KSR1: variants seen among roughly 807,000 people sequenced by gnomAD.
KSR1 encodes kinase suppressor of ras 1.
In KSR1, 35 loss-of-function variants were observed where a neutral mutation model predicts 92.9. The ratio of observed to expected loss-of-function variants is 0.38; its 90% CI spans 0.29 to 0.50. The LOEUF (loss-of-function observed/expected upper bound fraction) is 0.50. Ranked by LOEUF, KSR1 falls within the 20% of genes least tolerant of loss-of-function variation. The pLI, the probability that KSR1 is intolerant of heterozygous loss-of-function variation, is 0.94. For missense variants in KSR1, 972 were observed against 1,158.5 expected (o/e 0.84, Z 2.34); for synonymous variants, 467 against 472.6 (o/e 0.99, Z 0.15).
chr17:27,594,987 G>T (rs563312876), intron 9 of KSR1, among the ~76,000 whole-genome samples: 1 of 152,314 alleles, frequency 6.6e-6, no homozygotes, highest in South Asian at 2.1e-4. Context: ...GAGCCTTGGA[G>T]CATGAGTGAG....
At chr17:27,539,727 C>A (rs1161143078) in intron 1 of KSR1, among the ~76,000 whole-genome samples, 2 of 152,156 alleles carry the variant, frequency 1.3e-5, no homozygotes, top group Non-Finnish European at 2.9e-5. Context: ...TCCCCACAGC[C>A]CCTAAGGACT....
chr17:27,604,760 C>T (rs772711422), intron 13 of KSR1, 32 bp downstream of exon 13: 3 of 1,607,798 alleles, frequency 1.9e-6, no homozygotes, highest in East Asian at 2.2e-5. Flanking sequence ...CCACAGATGG[C>T]CCCCCCTCTT....
rs991665246 is a variant in KSR1, at chr17:27,468,681, G to A, written c.231+11807G>A. On this transcript the variant is annotated intron_variant, in intron 1 of 20. Transcript: ENST00000644974. Reference sequence around the variant, plus strand: ...CTGTACCTATCTCAGCAGGCTGGGAGGAATCTCTGTGTTTTCCTATGAAAA... The same window carrying A: ...CTGTACCTATCTCAGCAGGCTGGGAAGAATCTCTGTGTTTTCCTATGAAAA... 2.6e-5 allele frequency among the ~76,000 whole-genome samples: 4 copies of A among 152,224 alleles called. 1 individual carries two copies. Among genetic ancestry groups the A allele is most frequent in the Non-Finnish European group, 5.9e-5 (4 of 68,040 alleles).
At chr17:27,619,820 C>T (rs1019054500) in intron 19 of KSR1, among the ~76,000 whole-genome samples, 1 of 152,192 alleles carries the variant, frequency 6.6e-6, no homozygotes, top group South Asian at 2.1e-4. Flanking sequence ...TCAAGCGATT[C>T]TCATGCCTCA....
At chr17:27,537,445 A>G (rs2070789655) in intron 1 of KSR1, among the ~76,000 whole-genome samples, 1 of 152,212 alleles carries the variant, frequency 6.6e-6, no homozygotes, top group Non-Finnish European at 1.5e-5. Flanking sequence ...TAATCCCAGC[A>G]CTTTGGGAGG....
At position 27,624,293 on chromosome 17, in the gene KSR1, G is replaced by A. The variant is rs541857507; in HGVS notation, c.*901G>A. 6.6e-6 allele frequency: 1 copy of A among 152,394 alleles called. No individual in the cohort carries two copies. Among genetic ancestry groups the A allele is most frequent in the South Asian group, 2.1e-4 (1 of 4,828 alleles). The allele number at this position is 152,394 out of a possible 1,614,324, so 9.4% of individuals were successfully genotyped here. On this transcript the variant is annotated 3_prime_UTR_variant, in exon 21 of 21. Transcript: ENST00000644974. ...AGGAGTAGATGGCAAAAGTACCTGA[G>A]CCCACTTCCCAGCCACAGGGTGACC...
chr17:27,465,836 A>G (rs1284897854), intron 1 of KSR1, among the ~76,000 whole-genome samples: 1 of 151,972 alleles, frequency 6.6e-6, no homozygotes, highest in African/African-American at 2.4e-5. Context: ...AGCTTCATTC[A>G]TGGTGCACAC....
chr17:27,621,912 T>C (rs775904338), intron 20 of KSR1: 2 of 1,613,504 alleles, frequency 1.2e-6, no homozygotes, highest in South Asian at 2.2e-5. Flanking sequence ...TTTGCTTTCT[T>C]CTCTTTCCCT....
At chr17:27,587,048 T>G (rs2072995494) in intron 5 of KSR1, 1 of 152,168 alleles carries the variant, frequency 6.6e-6, no homozygotes, top group Non-Finnish European at 1.5e-5. Context: ...AATTTTTGTA[T>G]TTTTAATAGA....
intron 1 of KSR1, among the ~76,000 whole-genome samples, chr17:27,533,388 C>CT (rs61407882): frequency 0.31 from 44,597 of 144,790 alleles, 6,757 homozygotes; most frequent in Non-Finnish European, 0.33. Flanking sequence ...TGCAACCATT[C>CT]TTTTTTTTTT....
At chr17:27,575,707 G>T (rs1394674522) in intron 2 of KSR1, among the ~76,000 whole-genome samples, 1 of 152,212 alleles carries the variant, frequency 6.6e-6, no homozygotes, top group Non-Finnish European at 1.5e-5. Flanking sequence ...AGTAGTCAGA[G>T]CTGGAGAGGT....
At position 27,456,672 on chromosome 17, in the gene KSR1, C is replaced by T; in HGVS notation, c.29C>T (p.Ala10Val). 1 of 669,842 alleles carries T rather than the reference C, an allele frequency of 1.5e-6. No homozygotes were observed. The highest frequency in any genetic ancestry group is 1.7e-5 in the South Asian group (1 of 58,610). 41.5% of individuals were successfully genotyped at this position (669,842 alleles called of 1,614,324 possible). A position where few individuals can be genotyped will look rare whatever the true frequency, so the allele number is the denominator to read the frequency against. Residue 10 changes from alanine to valine, a missense_variant, in exon 1 of 21, where the codon GCG becomes GTG. Coordinates refer to ENST00000644974, the MANE Select transcript of KSR1 (RefSeq NM_001394583.1). MDRAALRAAAMGEKKEGGGG... is the reference protein window; with the variant it reads MDRAALRAAVMGEKKEGGGG... ...GATAGAGCAGCGCTGCGCGCGGCGG[C>T]GATGGGAGAGAAGAAGGAGGGCGGT...
At position 27,607,987 on chromosome 17, in the gene KSR1, C is replaced by T. The variant is rs774669318; in HGVS notation, c.2068C>T (p.Gln690Ter). The T allele has an allele frequency of 6.2e-7, 1 of 1,609,190 alleles. No homozygotes were observed. Among genetic ancestry groups the T allele is most frequent in the South Asian group, 1.1e-5 (1 of 89,950 alleles). The change falls in exon 15 of 21, where the codon CAA becomes TAA. Residue 690 changes from glutamine (Q) to a stop codon, truncating the protein, a stop_gained. Coordinates refer to ENST00000644974, the MANE Select transcript of KSR1 (RefSeq NM_001394583.1). LOFTEE classifies it high-confidence loss of function. ...GTCTCTGGACATCAACAAGACGAGG[C>T]AAATCGCTCAGGAGATCATCAAGGT... ...KTSLDINKTR[Q>*]IAQEIIKGMG...
chr17:27,549,099 G>A (rs1469031077), intron 1 of KSR1, among the ~76,000 whole-genome samples: 1 of 152,194 alleles, frequency 6.6e-6, no homozygotes, highest in South Asian at 2.1e-4. Flanking sequence ...TGGGTTTTTG[G>A]ATTCGAAATG....
chr17:27,465,092 G>A (rs1027673380), intron 1 of KSR1: 108 of 152,286 alleles, frequency 7.1e-4, no homozygotes, highest in African/African-American at 2.5e-3. Flanking sequence ...AGGTAGAGAT[G>A]TAGAGACGTG....
chr17:27,546,194 A>C (rs975304294), intron 1 of KSR1, among the ~76,000 whole-genome samples: 1 of 151,996 alleles, frequency 6.6e-6, no homozygotes, highest in Non-Finnish European at 1.5e-5. Context: ...TTCCTCTGGC[A>C]CTCCTGAGCA....
At chr17:27,608,913 C>T (rs1480142300) in intron 15 of KSR1, among the ~76,000 whole-genome samples, 1 of 152,190 alleles carries the variant, frequency 6.6e-6, no homozygotes, top group African/African-American at 2.4e-5. Context: ...CTGTTCACAC[C>T]TCCTACCTTA....
intron 1 of KSR1, among the ~76,000 whole-genome samples, chr17:27,513,604 G>A (rs568608536): frequency 6.6e-6 from 1 of 152,206 alleles, no homozygotes; most frequent in African/African-American, 2.4e-5. Context: ...TAGCAAGGGT[G>A]TGTCTGCTGG....
At chr17:27,591,225 G>A (rs185579378) in intron 7 of KSR1, among the ~76,000 whole-genome samples, 32 of 152,334 alleles carry the variant, frequency 2.1e-4, no homozygotes, top group Non-Finnish European at 4.1e-4. Context: ...GCCCTCGAGA[G>A]GTGGCAGACA....
Sources: allele counts gnomAD v4.1 joint callset (sites outside exome capture counted in the v4.1 genomes callset), GRCh38; gene constraint gnomAD v4.1.1; transcripts MANE v1.5; gene names NCBI Gene and HGNC (gene_info 2026-07-23, HGNC 2026-07-21).